SZRD1: variants seen among roughly 807,000 people sequenced by gnomAD.
SZRD1 encodes SUZ RNA binding domain containing 1.
In SZRD1, 7 loss-of-function variants were observed where a neutral mutation model predicts 17.6. That is an observed-to-expected ratio of 0.40 (90% confidence interval 0.23 to 0.75). The LOEUF is 0.75. Among genes scored for constraint, SZRD1 ranks in the 30% least tolerant of loss-of-function variants. SZRD1 has a pLI of 0.38. For missense variants in SZRD1, 178 were observed against 201.8 expected (o/e 0.88, Z 0.71); for synonymous variants, 77 against 77.9 (o/e 0.99, Z 0.06).
At chr1:16,376,954 T>C (rs2083014313) in intron 1 of SZRD1, among the ~76,000 whole-genome samples, 1 of 152,086 alleles carries the variant, frequency 6.6e-6, no homozygotes, top group Non-Finnish European at 1.5e-5. Context: ...TACAGGTGCG[T>C]GAGCCACTGC....
In SZRD1 at chr1:16,390,467, GTGT is replaced by G. The variant is rs1309185066; in HGVS notation, c.52-903_52-901del. The G allele has an allele frequency of 2.0e-5, 3 of 152,208 alleles. No homozygotes were observed. In the East Asian group the frequency reaches 5.8e-4, roughly 29 times the overall value. The allele number at this position is 152,208 out of a possible 1,614,324, so 9.4% of individuals were successfully genotyped here. ...CTCTCTGCTTTTCTCTAAAATGGTGGTGTTGTTTTAATCAAGACCTGTCAGGCT... is the reference window on the plus strand; with the variant it reads ...CTCTCTGCTTTTCTCTAAAATGGTGGTGTTTTAATCAAGACCTGTCAGGCT... On this transcript the variant is annotated intron_variant, in intron 1 of 3. Coordinates refer to ENST00000401088, the MANE Select transcript of SZRD1 (RefSeq NM_001114600.3).
chr1:16,386,027 T>C (rs2083181550), intron 1 of SZRD1, among the ~76,000 whole-genome samples: 1 of 152,226 alleles, frequency 6.6e-6, no homozygotes, highest in Non-Finnish European at 1.5e-5. Flanking sequence ...TCTGTAGATG[T>C]GTAGCCTCAT....
chr1:16,394,970 A>T, intron 3 of SZRD1, 68 bp from the exon 4 acceptor site: 4 of 943,682 alleles, frequency 4.2e-6, no homozygotes, highest in Non-Finnish European at 6.6e-6. Flanking sequence ...TAAATAAAAA[A>T]TAAAGAAATG....
At position 16,397,999 on chromosome 1, in the gene SZRD1, G is replaced by C; in HGVS notation, c.*2859G>C. Reference sequence around the variant, plus strand: ...CTTGGGTGTCTGAACAGAAGGGCATGGGAGGGAGGGCTGCACCCCTGCAGT... The same window carrying C: ...CTTGGGTGTCTGAACAGAAGGGCATCGGAGGGAGGGCTGCACCCCTGCAGT... On this transcript the variant is annotated 3_prime_UTR_variant, in exon 4 of 4. Transcript: ENST00000401088. This position sits in a 1 kb window ranked among gnomAD's most constrained non-coding sequence, Gnocchi z 5.4. 1.3e-6 allele frequency: 1 copy of C among 799,500 alleles called. No individual in the cohort carries two copies. Among genetic ancestry groups the C allele is most frequent in the Non-Finnish European group, 1.5e-6 (1 of 660,620 alleles). The allele number at this position is 799,500 out of a possible 1,614,324, so 49.5% of individuals were successfully genotyped here. A position where few individuals can be genotyped will look rare whatever the true frequency, so the allele number is the denominator to read the frequency against.
At chr1:16,389,281 G>T (rs1165111313) in intron 1 of SZRD1, among the ~76,000 whole-genome samples, 8 of 137,582 alleles carry the variant, frequency 5.8e-5, no homozygotes, top group Admixed American at 1.4e-4. Context: ...GGGGGTGGGG[G>T]GGGGGCAGAG....
chr1:16,387,577 C>T (rs1217414659), intron 1 of SZRD1: 4 of 456,624 alleles, frequency 8.8e-6, no homozygotes, highest in Non-Finnish European at 1.3e-5. Context: ...GCAGCCCCTT[C>T]ACTTCCCCAG....
chr1:16,367,572 G>A, intron 1 of SZRD1: 1 of 515,976 alleles, frequency 1.9e-6, no homozygotes, highest in Non-Finnish European at 3.4e-6. Flanking sequence ...GCCACCCGGG[G>A]CCTCCTTTCC....
Position 16,393,632 on chromosome 1 carries a change from A to C in SZRD1, c.356+150A>C. Reference sequence around the variant, plus strand: ...CACTTGCTGATCCCAGCCTGCTGGCACTAGTTCACTGTGCCGCATTGGCTG... The same window carrying C: ...CACTTGCTGATCCCAGCCTGCTGGCCCTAGTTCACTGTGCCGCATTGGCTG... On this transcript the variant is annotated intron_variant, in intron 3 of 3. Transcript: ENST00000401088. The surrounding 1 kb of genome is among the most constrained non-coding windows in gnomAD (Gnocchi z 5.6). 1 of 897,148 alleles carries C rather than the reference A, an allele frequency of 1.1e-6. No individual in the cohort carries two copies. The highest frequency in any genetic ancestry group is 1.7e-6 in the Non-Finnish European group (1 of 601,190). 55.6% of individuals were successfully genotyped at this position (897,148 alleles called of 1,614,324 possible). A position where few individuals can be genotyped will look rare whatever the true frequency, so the allele number is the denominator to read the frequency against.
chr1:16,374,856 A>G (rs2082973095), intron 1 of SZRD1, among the ~76,000 whole-genome samples: 1 of 151,740 alleles, frequency 6.6e-6, no homozygotes, highest in Non-Finnish European at 1.5e-5. Context: ...ATCCATAGAG[A>G]TTTCTCTTCT....
rs1212043913 is a variant in SZRD1 at position 16,397,280 on chromosome 1, C to G, written c.*2140C>G. 1 of 152,294 alleles carries G rather than the reference C, an allele frequency of 6.6e-6. No homozygotes were observed. Among genetic ancestry groups the G allele is most frequent in the Non-Finnish European group, 1.5e-5 (1 of 68,068 alleles). The allele number at this position is 152,294 out of a possible 1,614,324, so 9.4% of individuals were successfully genotyped here. On this transcript the variant is annotated 3_prime_UTR_variant, in exon 4 of 4. Transcript: ENST00000401088. This position sits in a 1 kb window ranked among gnomAD's most constrained non-coding sequence, Gnocchi z 5.4. Reference sequence around the variant, plus strand: ...GGCTTTGCCCGCTGTGTGCCTGTCACCACCCACCAGCAGTCATGCCCTGGG... The same window carrying G: ...GGCTTTGCCCGCTGTGTGCCTGTCAGCACCCACCAGCAGTCATGCCCTGGG...
intron 1 of SZRD1, chr1:16,387,906 AG>A: frequency 2.8e-6 from 1 of 351,242 alleles, no homozygotes; most frequent in South Asian, 2.2e-5. Context: ...CAGAGTACGT[AG>A]TGGACATAGA....
At chr1:16,379,539 C>T (rs532368578) in intron 1 of SZRD1, among the ~76,000 whole-genome samples, 14 of 152,304 alleles carry the variant, frequency 9.2e-5, no homozygotes, top group South Asian at 4.1e-4. Context: ...AAAGGGAGGA[C>T]GTAATACCTG....
At chr1:16,367,426 GGGT>G in intron 1 of SZRD1, 118 bp downstream of exon 1, 2 of 999,112 alleles carry the variant, frequency 2.0e-6, no homozygotes, top group Non-Finnish European at 2.9e-6. Context: ...GCCGGGCTGG[GGGT>G]GGTGGAGAGG....
chr1:16,384,672 G>T (rs565046896), intron 1 of SZRD1, among the ~76,000 whole-genome samples: 3 of 152,234 alleles, frequency 2.0e-5, no homozygotes, highest in Non-Finnish European at 4.4e-5. Context: ...AGCATGGGCC[G>T]TGGCTGGCTG....
In SZRD1 at chr1:16,373,650, C is replaced by T. The variant is rs564998788; in HGVS notation, c.51+6342C>T. ...GTCTCACTCTGTCACCCAGGCTGAG[C>T]GCAGTGGTGCAATGATGACTTACTG... On this transcript the variant is annotated intron_variant, in intron 1 of 3. Transcript: ENST00000401088. Among the ~76,000 whole-genome samples, 67 of 151,086 alleles carry T rather than the reference C, an allele frequency of 4.4e-4. 1 individual carries two copies. In the South Asian group the frequency reaches 0.013, roughly 30 times the overall value.
intron 1 of SZRD1, among the ~76,000 whole-genome samples, chr1:16,369,895 A>AC (rs1013869453): frequency 1.9e-4 from 27 of 144,002 alleles, no homozygotes; most frequent in African/African-American, 5.6e-4. Context: ...ATCAAAAAAA[A>AC]AAACAAAAAA....
chr1:16,395,213 C>T lies in SZRD1; in HGVS notation c.*73C>T, dbSNP rs772388173. 1.2e-5 allele frequency: 13 copies of T among 1,042,322 alleles called. No individual in the cohort carries two copies. The East Asian group carries it at 1.4e-4, about 11-fold the overall frequency. The allele number at this position is 1,042,322 out of a possible 1,614,324, so 64.6% of individuals were successfully genotyped here. ...GGTCGTCCGCCACGGGTTGCACTGC[C>T]GTGGCAGACAGCTGGACTTGAGCAG... is the stretch of plus-strand genomic sequence containing the variant. On this transcript the variant is annotated 3_prime_UTR_variant, in exon 4 of 4. Coordinates refer to ENST00000401088, the MANE Select transcript of SZRD1 (RefSeq NM_001114600.3).
chr1:16,392,645 C>T (rs2085237769), intron 2 of SZRD1, among the ~76,000 whole-genome samples: 1 of 152,166 alleles, frequency 6.6e-6, no homozygotes, highest in African/African-American at 2.4e-5. Context: ...ATTCAGTTGT[C>T]TGGTGTAGCT....
At chr1:16,384,908 A>T (rs960108760) in intron 1 of SZRD1, among the ~76,000 whole-genome samples, 2 of 152,080 alleles carry the variant, frequency 1.3e-5, no homozygotes, top group African/African-American at 4.8e-5. Flanking sequence ...AGACCAGAGG[A>T]CCCTGTGGGG....
Sources: allele counts gnomAD v4.1 joint callset (sites outside exome capture counted in the v4.1 genomes callset), GRCh38; gene constraint gnomAD v4.1.1; non-coding constraint Gnocchi (gnomAD v3.1); transcripts MANE v1.5; gene names NCBI Gene and HGNC (gene_info 2026-07-23, HGNC 2026-07-21).